The following TGFBR3 variants were observed in gnomAD, a reference collection of about 807,000 sequenced individuals.
TGFBR3 encodes the protein transforming growth factor beta receptor 3.
A neutral mutation model predicts 87.9 loss-of-function variants in TGFBR3; 46 were observed. The observed-to-expected ratio is 0.52, with a 90% CI of 0.41 to 0.67. The LOEUF (loss-of-function observed/expected upper bound fraction) is 0.67, where lower values mean the gene tolerates loss of function less well. Ranked by LOEUF, TGFBR3 falls within the 30% of genes least tolerant of loss-of-function variation. The probability of loss-of-function intolerance (pLI) is 0.00; values close to 1 mark genes in which losing one functional copy is unlikely to be tolerated. For missense variants in TGFBR3, 866 were observed against 1,041.9 expected, an observed-to-expected ratio of 0.83 and a Z score of 2.32; for synonymous variants, 381 against 391.6, an observed-to-expected ratio of 0.97 and a Z score of 0.32.
At chr1:91,808,518 C>A (rs1463072510) in intron 2 of TGFBR3, among the ~76,000 whole-genome samples, 1 of 152,114 alleles carries the variant, frequency 6.6e-6, no homozygotes, top group Non-Finnish European at 1.5e-5. Context: ...CAGGCTGGAG[C>A]ACAGTGGCGC....
At chr1:91,890,409 CTTT>C (rs1175619952), upstream of TGFBR3, among the ~76,000 whole-genome samples, 156 of 60,370 alleles carry the variant, frequency 2.6e-3, no homozygotes, top group African/African-American at 0.01. Context: ...TCTCTATAAT[CTTT>C]TTTTTTTTTT....
At chr1:91,760,540 T>C (rs149719780) in intron 3 of TGFBR3, among the ~76,000 whole-genome samples, 1 of 152,302 alleles carries the variant, frequency 6.6e-6, no homozygotes, top group African/African-American at 2.4e-5. Flanking sequence ...CATATATTTA[T>C]ATGTTACCTA....
At chr1:91,833,442 C>A (rs1471312326) in intron 2 of TGFBR3, among the ~76,000 whole-genome samples, 1 of 110,624 alleles carries the variant, frequency 9.0e-6, no homozygotes, top group African/African-American at 3.7e-5. Flanking sequence ...CCCTGGGCGA[C>A]AGAGCAAAGC....
intron 3 of TGFBR3, chr1:91,786,275 T>C (rs1479829274): frequency 2.2e-6 from 1 of 455,784 alleles, no homozygotes. Flanking sequence ...TTTAGAGAAG[T>C]TTGGTTTTAT....
intron 16 of TGFBR3, among the ~76,000 whole-genome samples, chr1:91,689,311 G>A (rs552624891): frequency 2.6e-5 from 4 of 152,302 alleles, no homozygotes; most frequent in African/African-American, 9.6e-5. Context: ...AGGTTGGCAT[G>A]TGTGCCTGTA....
chr1:91,850,673 T>C (rs553044139), intron 2 of TGFBR3, among the ~76,000 whole-genome samples: 72 of 148,774 alleles, frequency 4.8e-4, no homozygotes, highest in Non-Finnish European at 8.9e-4. Context: ...CCCACCTACA[T>C]AGGAGGCTGA....
chr1:91,894,810 G>A lies in TGFBR3; in HGVS notation c.-114+4827C>T, dbSNP rs141952974. Among the ~76,000 whole-genome samples, 835 of 152,268 alleles carry A rather than the reference G, an allele frequency of 5.5e-3. 10 individuals are homozygous for A. The highest frequency in any genetic ancestry group is 0.013 in the South Asian group (61 of 4,828). On this transcript the variant is annotated intron_variant, in intron 2 of 17. Coordinates refer to the TGFBR3 transcript ENST00000370399. ...CTTTGAGACGGAGTCTCGTTCTGTC[G>A]CCCAGGCTGGAGTGCAGTGGCACAA...
At chr1:91,822,952 T>C (rs1011253593) in intron 2 of TGFBR3, among the ~76,000 whole-genome samples, 1 of 152,066 alleles carries the variant, frequency 6.6e-6, no homozygotes, top group Non-Finnish European at 1.5e-5. Context: ...AAAATAAAGA[T>C]GAATAATGTC....
intron 3 of TGFBR3, among the ~76,000 whole-genome samples, chr1:91,765,607 C>G (rs1674150135): frequency 6.6e-6 from 1 of 152,104 alleles, no homozygotes; most frequent in Non-Finnish European, 1.5e-5. Flanking sequence ...TTGGGCCATC[C>G]ATGGGAACCA....
rs528583554 is a variant in TGFBR3, at chr1:91,711,301, T to C, written c.2166+942A>G. Among the ~76,000 whole-genome samples, 6 of 152,370 alleles carry C rather than the reference T, an allele frequency of 3.9e-5. 1 individual carries two copies. The South Asian group carries it at 1.2e-3, about 32-fold the overall frequency. ...GCAAACAAAATTCTCTTGGGTGTTA[T>C]CAGAGAAAAGGATGCCCAGGGGACT... On this transcript the variant is annotated intron_variant, in intron 13 of 16. Transcript: ENST00000212355.
chr1:91,722,735 C>G (rs1378317197), intron 7 of TGFBR3, among the ~76,000 whole-genome samples: 2 of 152,210 alleles, frequency 1.3e-5, no homozygotes, highest in Non-Finnish European at 2.9e-5. Context: ...CTACTACACA[C>G]CTAGGCTATA....
At chr1:91,744,500 C>T (rs1384203738) in intron 4 of TGFBR3, among the ~76,000 whole-genome samples, 1 of 152,142 alleles carries the variant, frequency 6.6e-6, no homozygotes, top group Non-Finnish European at 1.5e-5. Context: ...CAATTTGACC[C>T]TAAGAAAGGA....
intron 16 of TGFBR3, among the ~76,000 whole-genome samples, chr1:91,686,964 C>T (rs1229653788): frequency 6.6e-6 from 1 of 152,164 alleles, no homozygotes; most frequent in African/African-American, 2.4e-5. Flanking sequence ...ACTCAGTCTT[C>T]CTGCTTTCCT....
At position 91,832,961 on chromosome 1, in the gene TGFBR3, T is replaced by C. The variant is rs556842554; in HGVS notation, c.61+28510A>G. ...AGGTGGAGGTTGCAGTGAGCCCAGATCACACCACTACACTCCACCCTGGGC... is the reference window on the plus strand; with the variant it reads ...AGGTGGAGGTTGCAGTGAGCCCAGACCACACCACTACACTCCACCCTGGGC... On this transcript the variant is annotated intron_variant, in intron 2 of 16. Coordinates refer to ENST00000212355, the MANE Select transcript of TGFBR3 (RefSeq NM_003243.5). Among the ~76,000 whole-genome samples the C allele has an allele frequency of 1.8e-4, 26 of 144,914 alleles. 1 individual carries two copies. The highest frequency in any genetic ancestry group is 1.4e-4 in the Admixed American group (2 of 14,218).
At chr1:91,710,577 C>T (rs1275034091) in intron 13 of TGFBR3, among the ~76,000 whole-genome samples, 2 of 152,152 alleles carry the variant, frequency 1.3e-5, no homozygotes, top group African/African-American at 4.8e-5. Flanking sequence ...TCTATTGTCA[C>T]AGAAAGCACT....
At chr1:91,902,672 A>C (rs575735594) in intron 1 of TGFBR3, among the ~76,000 whole-genome samples, 2 of 151,938 alleles carry the variant, frequency 1.3e-5, no homozygotes, top group African/African-American at 4.8e-5. Flanking sequence ...TTTATTTCAA[A>C]TAAGGGCTCA....
Position 91,752,049 on chromosome 1 carries a change from T to A in TGFBR3, c.384+6564A>T, listed in dbSNP as rs191432732. ...GTAGTTAAGTGATTTTTTTTCCCGA[T>A]GATGTATATAACTAGTTAGTGGCAG... On this transcript the variant is annotated intron_variant, in intron 4 of 16. Transcript: ENST00000212355. Among the ~76,000 whole-genome samples the A allele has an allele frequency of 4.6e-5, 7 of 152,266 alleles. No individual in the cohort carries two copies. The East Asian group carries it at 1.4e-3, about 29-fold the overall frequency.
chr1:91,714,489 G>C (rs1379092561), intron 12 of TGFBR3, among the ~76,000 whole-genome samples: 1 of 151,878 alleles, frequency 6.6e-6, no homozygotes, highest in African/African-American at 2.4e-5. Context: ...AGGGAATAGA[G>C]GATAAACTAT....
At chr1:91,892,273 C>A (rs1387239146) in intron 2 of TGFBR3, among the ~76,000 whole-genome samples, 1 of 152,056 alleles carries the variant, frequency 6.6e-6, no homozygotes, top group African/African-American at 2.4e-5. Flanking sequence ...GTGGCAGGAC[C>A]TTGCTCTCCC....
Sources: allele counts gnomAD v4.1 joint callset (sites outside exome capture counted in the v4.1 genomes callset), GRCh38; gene constraint gnomAD v4.1.1; transcripts MANE v1.5; gene names NCBI Gene and HGNC (gene_info 2026-07-23, HGNC 2026-07-21).